Variants in TYK2 observed in about 807,000 individuals in gnomAD.
TYK2 encodes the protein tyrosine kinase 2, also known as non-receptor tyrosine-protein kinase TYK2.
In TYK2, 65 loss-of-function variants were observed where a neutral mutation model predicts 130.9. The ratio of observed to expected loss-of-function variants is 0.50; its 90% CI spans 0.41 to 0.61. The LOEUF (loss-of-function observed/expected upper bound fraction) is 0.61. TYK2 is among the 20% of genes least tolerant of loss of function. The pLI is 0.00. For synonymous variants in TYK2, 647 were observed against 658.9 expected (o/e 0.98, Z 0.28); for missense variants, 1,378 against 1,610.7 (o/e 0.86, Z 2.47).
chr19:10,375,904 G>A (rs898250273), intron 3 of TYK2, among the ~76,000 whole-genome samples: 12 of 151,746 alleles, frequency 7.9e-5, no homozygotes, highest in Non-Finnish European at 1.8e-4. Context: ...TTCAGCCTGG[G>A]ACAGAGCGAG....
In TYK2 at chr19:10,359,274, G is replaced by A. The variant is rs767389814; in HGVS notation, c.2076C>T (p.His692=). 1.5e-5 allele frequency: 24 copies of A among 1,611,606 alleles called. No individual in the cohort carries two copies. Among genetic ancestry groups the A allele is most frequent in the South Asian group, 2.2e-5 (2 of 91,036 alleles). Residue 692 remains histidine, a synonymous_variant, in exon 15 of 25, where the codon CAC becomes CAT. Transcript: ENST00000525621. Reference sequence around the variant, plus strand: ...TCCGCAGCCACACATCCAGGGGTCCGTGCTCCACGTACTCTGTCACCATGA... The same window carrying A: ...TCCGCAGCCACACATCCAGGGGTCCATGCTCCACGTACTCTGTCACCATGA... The part of the protein sequence containing the change: ...ENIMVTEYVE[H]GPLDVWLRRE...
At position 10,365,594 on chromosome 19, in the gene TYK2, G is replaced by A. The variant is rs2145250138; in HGVS notation, c.934C>T (p.Pro312Ser). 6.2e-7 allele frequency: 1 copy of A among 1,614,104 alleles called. No individual in the cohort carries two copies. The highest frequency in any genetic ancestry group is 2.2e-5 in the East Asian group (1 of 44,862). Residue 312 changes from proline (P) to serine (S), a missense_variant, in exon 7 of 25, where the codon CCA (proline) becomes TCA (serine). Transcript: ENST00000525621. Reference sequence around the variant, plus strand: ...CCTGTCACCAGCACCTCGTGGGTTGGGGGCCCAGCAGCAGACTCAGGGCCA... The same window carrying A: ...CCTGTCACCAGCACCTCGTGGGTTGAGGGCCCAGCAGCAGACTCAGGGCCA... ...DPGPESAAGP[P>S]THEVLVTGTG...
At chr19:10,355,746 G>A (rs577274591) in intron 18 of TYK2, among the ~76,000 whole-genome samples, 1 of 148,276 alleles carries the variant, frequency 6.7e-6, no homozygotes, top group African/African-American at 2.5e-5. Flanking sequence ...GGTGGATCAC[G>A]AGGTCAAGAG....
chr19:10,358,031 G>T lies in TYK2; in HGVS notation c.2283C>A (p.Gly761=), dbSNP rs558083906. The T allele has an allele frequency of 6.2e-7, 1 of 1,613,454 alleles. No individual in the cohort carries two copies. Among genetic ancestry groups the T allele is most frequent in the Non-Finnish European group, 8.5e-7 (1 of 1,180,002 alleles). ...CCCTGGAGAGGGCGCCCAGGCCCAC[G>T]CCAGGATCACTCAGCTTGATGAAGG... ...TSPFIKLSDP[G]VGLGALSREE... The change falls in exon 16 of 25, where the codon GGC becomes GGA. Residue 761 remains glycine, a synonymous_variant. Transcript: ENST00000525621.
At chr19:10,366,317 A>C in intron 6 of TYK2, 100 bp downstream of exon 6, 1 of 1,337,792 alleles carries the variant, frequency 7.5e-7, no homozygotes, top group Non-Finnish European at 1.0e-6. Flanking sequence ...AGAAAAAAAA[A>C]AAAGTAGAGG....
In TYK2 at chr19:10,362,167, T is replaced by C; in HGVS notation, c.1684A>G (p.Ile562Val). Residue 562 changes from isoleucine to valine, a missense_variant, in exon 12 of 25, where the codon ATC becomes GTC. Physicochemically the swap from Ile to Val is conservative, Grantham distance 29 (BLOSUM62 3). Transcript: ENST00000525621. ...LPQPGETSNL[I>V]IMRGARASPR... ...CTGGCCCGAGCCCCCCGCATGATGA[T>C]GAGATTGGAGGTTTCTGGGGGCAGG... The C allele has an allele frequency of 6.2e-7, 1 of 1,612,556 alleles. No homozygotes were observed. The highest frequency in any genetic ancestry group is 8.5e-7 in the Non-Finnish European group (1 of 1,178,988).
chr19:10,353,459 G>T lies in TYK2; in HGVS notation c.3027+69C>A. On this transcript the variant is annotated intron_variant, in intron 21 of 24. Coordinates refer to ENST00000525621, the MANE Select transcript of TYK2 (RefSeq NM_003331.5). This position sits in a 1 kb window ranked among gnomAD's most constrained non-coding sequence, Gnocchi z 6.9. ...CGGAGCGTGAGAGCAGACTGCACCGGATCGCTCAGGCCAGCCCAAGCTGAA... is the reference window on the plus strand; with the variant it reads ...CGGAGCGTGAGAGCAGACTGCACCGTATCGCTCAGGCCAGCCCAAGCTGAA... 1 of 1,156,220 alleles carries T rather than the reference G, an allele frequency of 8.6e-7. No individual in the cohort carries two copies. Among genetic ancestry groups the T allele is most frequent in the Non-Finnish European group, 1.2e-6 (1 of 840,136 alleles). The allele number at this position is 1,156,220 out of a possible 1,614,324, so 71.6% of individuals were successfully genotyped here. A position where few individuals can be genotyped will look rare whatever the true frequency, so the allele number is the denominator to read the frequency against.
rs1016695312 is a variant in TYK2 at position 10,380,531 on chromosome 19, C to G, written c.-337G>C. ...TCACCCTTCCGGGGGAACACAAGCT[C>G]GAACCCGGACCCCTCCCCGCTCCCG... On this transcript the variant is annotated 5_prime_UTR_variant, in exon 1 of 25. Coordinates refer to ENST00000525621, the MANE Select transcript of TYK2 (RefSeq NM_003331.5). The G allele has an allele frequency of 2.0e-5, 3 of 152,468 alleles. No individual in the cohort carries two copies. The highest frequency in any genetic ancestry group is 7.2e-5 in the African/African-American group (3 of 41,470). 9.4% of individuals were successfully genotyped at this position (152,468 alleles called of 1,614,324 possible).
chr19:10,378,272 A>G lies in TYK2; in HGVS notation c.135T>C (p.Thr45=). The change falls in exon 3 of 25, where the codon ACT becomes ACC. Residue 45 remains threonine, a synonymous_variant. Transcript: ENST00000525621. The part of the protein sequence containing the change: ...AGPGGGEPWV[T]FSESSLTAEE... The stretch of plus-strand genomic sequence containing the variant: ...CAGCTGTCAGCGATGACTCACTGAA[A>G]GTGACCCAGGGCTCCCCGCCGCCTG... The G allele has an allele frequency of 6.2e-7, 1 of 1,612,936 alleles. No homozygotes were observed. Among genetic ancestry groups the G allele is most frequent in the Non-Finnish European group, 8.5e-7 (1 of 1,179,976 alleles).
At chr19:10,355,447 C>T (rs11085727) in intron 18 of TYK2, among the ~76,000 whole-genome samples, 37,151 of 151,572 alleles carry the variant, frequency 0.25, 5,326 homozygotes, top group East Asian at 0.56. Context: ...TGAGACCAGC[C>T]TAGCCAACAC....
At position 10,379,773 on chromosome 19, in the gene TYK2, A is replaced by C. The variant is rs1232490216; in HGVS notation, c.-179T>G. On this transcript the variant is annotated 5_prime_UTR_variant, in exon 2 of 25. Transcript: ENST00000525621. ...TAGTTCCGCATATTACACATTCAGCACAGACCCTGATTCAGGCACACACAA... is the reference window on the plus strand; with the variant it reads ...TAGTTCCGCATATTACACATTCAGCCCAGACCCTGATTCAGGCACACACAA... 6.6e-6 allele frequency: 1 copy of C among 152,314 alleles called. No homozygotes were observed. Among genetic ancestry groups the C allele is most frequent in the African/African-American group, 2.4e-5 (1 of 41,436 alleles). 9.4% of individuals were successfully genotyped at this position (152,314 alleles called of 1,614,324 possible). A position where few individuals can be genotyped will look rare whatever the true frequency, so the allele number is the denominator to read the frequency against.
At chr19:10,363,300 C>A (rs746065204) in intron 9 of TYK2, among the ~76,000 whole-genome samples, 7 of 151,860 alleles carry the variant, frequency 4.6e-5, no homozygotes, top group Non-Finnish European at 7.4e-5. Flanking sequence ...AGAGATTCTC[C>A]CACCTCAGCC....
chr19:10,375,193 C>T, intron 3 of TYK2, among the ~76,000 whole-genome samples: 1 of 151,530 alleles, frequency 6.6e-6, no homozygotes, highest in Non-Finnish European at 1.5e-5. Flanking sequence ...AAAGACTCAG[C>T]CATCAATGGG....
intron 22 of TYK2, 45 bp downstream of exon 22, chr19:10,352,881 C>T: frequency 1.3e-6 from 2 of 1,544,810 alleles, no homozygotes; most frequent in Non-Finnish European, 1.7e-6. Context: ...CCTGCCTGTT[C>T]CAAGTGACCC....
intron 3 of TYK2, among the ~76,000 whole-genome samples, 161 bp downstream of exon 3, chr19:10,378,053 G>C (rs2042233421): frequency 7.5e-6 from 1 of 133,406 alleles, no homozygotes; most frequent in African/African-American, 2.8e-5. Context: ...TGGGTGGTTG[G>C]GAGGGTGGAT....
At chr19:10,358,363 C>T (rs528412524) in intron 15 of TYK2, among the ~76,000 whole-genome samples, 334 of 141,646 alleles carry the variant, frequency 2.4e-3, no homozygotes, top group African/African-American at 8.6e-3. Flanking sequence ...TATAGTGGCA[C>T]GAACATAGCT....
rs1453076953 is a variant in TYK2 at position 10,357,803 on chromosome 19, A to G, written c.2427T>C (p.Phe809=). The G allele has an allele frequency of 6.2e-7, 1 of 1,613,400 alleles. No individual in the cohort carries two copies. Residue 809 remains phenylalanine (F), a synonymous_variant, in exon 17 of 25, where the codon TTT becomes TTC. Coordinates refer to ENST00000525621, the MANE Select transcript of TYK2 (RefSeq NM_003331.5). ...GFGATLLEIC[F]DGEAPLQSRS... The stretch of plus-strand genomic sequence containing the variant: ...GGCTCTGCAGAGGGGCCTCTCCGTC[A>G]AAGCAGATCTCCAGGAGGGTGGCGC...
intron 15 of TYK2, among the ~76,000 whole-genome samples, chr19:10,358,374 C>G (rs976927671): frequency 1.4e-5 from 2 of 142,980 alleles, no homozygotes; most frequent in Admixed American, 7.2e-5. Context: ...GAACATAGCT[C>G]ACTGCAGCTT....
intron 3 of TYK2, among the ~76,000 whole-genome samples, chr19:10,374,174 G>A (rs932306108): frequency 2.0e-5 from 3 of 152,112 alleles, no homozygotes; most frequent in Non-Finnish European, 4.4e-5. Context: ...GCTGAGGCAG[G>A]AGAATGGCGT....
Sources: gnomAD v4.1 joint callset for allele counts (sites outside exome capture counted in the v4.1 genomes callset) on GRCh38, gnomAD v4.1.1 for gene constraint, Gnocchi (gnomAD v3.1) non-coding constraint, MANE v1.5 for transcripts, NCBI Gene and HGNC (gene_info 2026-07-23, HGNC 2026-07-21) for gene names.